ESYT3: variants seen among roughly 807,000 people sequenced by gnomAD.
ESYT3 encodes the protein extended synaptotagmin 3.
In ESYT3, 101 loss-of-function variants were observed where a neutral mutation model predicts 111.5. The observed-to-expected ratio is 0.91, with a 90% CI of 0.77 to 1.07. ESYT3 has a LOEUF of 1.07. ESYT3 is among the 50% of genes least tolerant of loss of function. The probability of loss-of-function intolerance (pLI) is 0.00; values close to 1 mark genes in which losing one functional copy is unlikely to be tolerated. For missense variants in ESYT3, 1,097 were observed against 1,109.4 expected (o/e 0.99, Z 0.16); for synonymous variants, 416 against 446.8 (o/e 0.93, Z 0.87).
chr3:138,470,074 C>T lies in ESYT3; in HGVS notation c.1518C>T (p.Asn506=). The change falls in exon 16 of 23, where the codon AAC becomes AAT. Residue 506 remains asparagine (N), a synonymous_variant. Transcript: ENST00000389567. ...KTHTSKTCPH[N]KDPVWSQVFS... ...TCTGTTCCCAGACCTGTCCCCACAA[C>T]AAGGACCCTGTGTGGAGCCAGGTGT... The T allele has an allele frequency of 1.2e-6, 2 of 1,612,936 alleles. No individual in the cohort carries two copies. The highest frequency in any genetic ancestry group is 1.7e-4 in the Middle Eastern group (1 of 6,054).
intron 10 of ESYT3, among the ~76,000 whole-genome samples, chr3:138,465,974 T>A (rs1374013828): frequency 6.6e-6 from 1 of 152,154 alleles, no homozygotes; most frequent in African/African-American, 2.4e-5. Flanking sequence ...AACACCCCCA[T>A]CCCCTAAATG....
downstream of ESYT3, chr3:138,480,791 C>G (rs1409244665): frequency 1.3e-5 from 2 of 152,160 alleles, no homozygotes; most frequent in Non-Finnish European, 2.9e-5. Context: ...TAAGCAGATT[C>G]AATGTACATG....
intron 6 of ESYT3, among the ~76,000 whole-genome samples, chr3:138,460,368 C>T (rs887584106): frequency 5.3e-5 from 8 of 152,138 alleles, no homozygotes; most frequent in Non-Finnish European, 8.8e-5. Flanking sequence ...GCAGGTTCCA[C>T]AGCCCCTGCC....
rs2030476819 is a variant in ESYT3 at position 138,434,685 on chromosome 3, AG to A, written c.-109del. ...GCGCGCCGAGAGTCCCAGCAGGGCA[AG>A]GGGGCGCGGCGTCCTGGTCCTCGAG... On this transcript the variant is annotated 5_prime_UTR_variant, in exon 1 of 23. Transcript: ENST00000389567. 5 of 956,446 alleles carry A rather than the reference AG, an allele frequency of 5.2e-6. No homozygotes were observed. Among genetic ancestry groups the A allele is most frequent in the Non-Finnish European group, 7.5e-6 (5 of 670,712 alleles). The allele number at this position is 956,446 out of a possible 1,614,324, so 59.2% of individuals were successfully genotyped here.
At chr3:138,452,118 C>T (rs757037174) in intron 2 of ESYT3, 29 bp downstream of exon 2, 3 of 1,603,742 alleles carry the variant, frequency 1.9e-6, no homozygotes, top group Admixed American at 3.4e-5. Context: ...CCTAGCAGGG[C>T]CGGACGCATG....
intron 17 of ESYT3, among the ~76,000 whole-genome samples, chr3:138,471,807 C>T (rs77776765): frequency 0.012 from 1,893 of 152,238 alleles, 45 homozygotes; most frequent in African/African-American, 0.044. Context: ...GTTTCAAGAT[C>T]CCATAGGTAG....
chr3:138,435,102 C>G lies in ESYT3; in HGVS notation c.304C>G (p.Arg102Gly), dbSNP rs747684976. 17 of 1,587,848 alleles carry G rather than the reference C, an allele frequency of 1.1e-5. No homozygotes were observed. The African/African-American group carries it at 2.3e-4, about 21-fold the overall frequency. Reference protein sequence around the residue: ...NEREFISRELRGQHLPAWIHF... With the variant: ...NEREFISRELGGQHLPAWIHF... ...ACGCGAGTTCATCAGCCGCGAGCTG[C>G]GGGGCCAGCACCTGCCAGCCTGGGT... The change falls in exon 1 of 23, where the codon CGG becomes GGG. Residue 102 changes from arginine (R) to glycine (G), a missense_variant. Coordinates refer to ENST00000389567, the MANE Select transcript of ESYT3 (RefSeq NM_031913.5). This position sits in a 1 kb window ranked among gnomAD's most constrained non-coding sequence, Gnocchi z 4.8.
chr3:138,441,536 G>C lies in ESYT3; in HGVS notation c.327+6411G>C, dbSNP rs2031151934. Among the ~76,000 whole-genome samples, 3 of 152,274 alleles carry C rather than the reference G, an allele frequency of 2.0e-5. No homozygotes were observed. The South Asian group carries it at 6.2e-4, about 32-fold the overall frequency. Reference sequence around the variant, plus strand: ...TGGTGACTTTGGGGAGGGGGCTCTGGGAGGTATGAGCTGCCCCCTGAAGAC... The same window carrying C: ...TGGTGACTTTGGGGAGGGGGCTCTGCGAGGTATGAGCTGCCCCCTGAAGAC... On this transcript the variant is annotated intron_variant, in intron 1 of 22. Transcript: ENST00000389567.
chr3:138,434,912 C>T lies in ESYT3; in HGVS notation c.114C>T (p.Phe38=), dbSNP rs1268106057. The T allele has an allele frequency of 6.4e-7, 1 of 1,551,556 alleles. No individual in the cohort carries two copies. Among genetic ancestry groups the T allele is most frequent in the Admixed American group, 2.0e-5 (1 of 51,022 alleles). Residue 38 remains phenylalanine (F), a synonymous_variant, in exon 1 of 23, where the codon TTC becomes TTT. Coordinates refer to ENST00000389567, the MANE Select transcript of ESYT3 (RefSeq NM_031913.5). ...SSQLLPELCT[F]VVRVLFYLGP... is the part of the protein sequence containing the mutation. Reference sequence around the variant, plus strand: ...AGCTGCTGCCCGAGCTCTGTACCTTCGTGGTGCGCGTGCTGTTCTACCTGG... The same window carrying T: ...AGCTGCTGCCCGAGCTCTGTACCTTTGTGGTGCGCGTGCTGTTCTACCTGG...
At chr3:138,453,120 G>T (rs1459573152) in intron 2 of ESYT3, among the ~76,000 whole-genome samples, 1 of 152,174 alleles carries the variant, frequency 6.6e-6, no homozygotes, top group African/African-American at 2.4e-5. Flanking sequence ...GAAGAAGCAG[G>T]TTGCTGCTTT....
At position 138,470,859 on chromosome 3, in the gene ESYT3, G is replaced by T; in HGVS notation, c.1591-18G>T. ...GGGCTTGGTTATCCTCTTGTTTTGT[G>T]ACTGGACCACTGCCCAGGTGCTTGA... On this transcript the variant is annotated intron_variant, in intron 16 of 22. Transcript: ENST00000389567. The T allele has an allele frequency of 6.2e-7, 1 of 1,613,974 alleles. No individual in the cohort carries two copies. Among genetic ancestry groups the T allele is most frequent in the South Asian group, 1.1e-5 (1 of 91,036 alleles).
Position 138,434,769 on chromosome 3 carries a change from T to G in ESYT3, c.-30T>G, listed in dbSNP as rs2030484792. ...ATGCGGACCTAAGCTCGGGTGAAGCTCTCGGGAAGGGCAAGACTGCGGCGA... is the reference window on the plus strand; with the variant it reads ...ATGCGGACCTAAGCTCGGGTGAAGCGCTCGGGAAGGGCAAGACTGCGGCGA... On this transcript the variant is annotated 5_prime_UTR_variant, in exon 1 of 23. Coordinates refer to ENST00000389567, the MANE Select transcript of ESYT3 (RefSeq NM_031913.5). 1 of 1,499,262 alleles carries G rather than the reference T, an allele frequency of 6.7e-7. No individual in the cohort carries two copies. Among genetic ancestry groups the G allele is most frequent in the African/African-American group, 1.4e-5 (1 of 71,258 alleles). The allele number at this position is 1,499,262 out of a possible 1,614,324, so 92.9% of individuals were successfully genotyped here.
chr3:138,453,698 A>G (rs1286935300), intron 2 of ESYT3, among the ~76,000 whole-genome samples: 2 of 152,192 alleles, frequency 1.3e-5, no homozygotes, highest in African/African-American at 4.8e-5. Context: ...GCAGAGGTGC[A>G]TGAACCAGCT....
In ESYT3 at chr3:138,446,864, AAAAC is replaced by A. The variant is rs59182962; in HGVS notation, c.328-5165_328-5162del. On this transcript the variant is annotated intron_variant, in intron 1 of 22. Transcript: ENST00000389567. ...AACATGACCTAATCCCGTCTCTACC[AAAAC>A]AAACAAACAAACAAACAATAGTCAG... 1.2e-4 allele frequency among the ~76,000 whole-genome samples: 19 copies of A among 152,192 alleles called. No homozygotes were observed. The East Asian group carries it at 1.7e-3, about 14-fold the overall frequency.
At chr3:138,452,724 C>T (rs2032026434) in intron 2 of ESYT3, among the ~76,000 whole-genome samples, 1 of 152,158 alleles carries the variant, frequency 6.6e-6, no homozygotes, top group Non-Finnish European at 1.5e-5. Flanking sequence ...CAGACCTGTC[C>T]CTAACTGTGA....
intron 1 of ESYT3, 86 bp from the exon 2 acceptor site, chr3:138,451,962 A>T: frequency 6.8e-7 from 1 of 1,480,796 alleles, no homozygotes; most frequent in Non-Finnish European, 9.4e-7. Context: ...GCGTGGGCGG[A>T]ATGGGAAGCC....
At chr3:138,475,703 A>G (rs1232494649) in intron 20 of ESYT3, among the ~76,000 whole-genome samples, 2 of 152,088 alleles carry the variant, frequency 1.3e-5, no homozygotes, top group African/African-American at 4.8e-5. Flanking sequence ...TGCGGCAGGC[A>G]GATTATCTGA....
intron 1 of ESYT3, among the ~76,000 whole-genome samples, chr3:138,451,229 T>C (rs73864577): frequency 0.069 from 10,477 of 152,074 alleles, 1,205 homozygotes; most frequent in African/African-American, 0.24. Context: ...GCTGGAGTGG[T>C]TAGGGGTTGT....
chr3:138,469,558 C>A, intron 15 of ESYT3, 54 bp downstream of exon 15: 1 of 1,509,642 alleles, frequency 6.6e-7, no homozygotes, highest in Non-Finnish European at 9.2e-7. Context: ...CCCAGCCCTT[C>A]TCAGGGAGAG....
Sources: allele counts gnomAD v4.1 joint callset (sites outside exome capture counted in the v4.1 genomes callset), GRCh38; gene constraint gnomAD v4.1.1; non-coding constraint Gnocchi (gnomAD v3.1); transcripts MANE v1.5; gene names NCBI Gene and HGNC (gene_info 2026-07-23, HGNC 2026-07-21).